Variants in PKD2 observed in about 807,000 individuals in gnomAD.
PKD2 encodes the protein polycystin 2, transient receptor potential cation channel, also known as polycystin-2.
A neutral mutation model predicts 105.9 loss-of-function variants in PKD2; 48 were observed. The ratio of observed to expected loss-of-function variants is 0.45; its 90% CI spans 0.36 to 0.58. The LOEUF is 0.58. PKD2 is among the 20% of genes least tolerant of loss of function. PKD2 has a pLI of 0.00. For synonymous variants in PKD2, 464 were observed against 481.1 expected, an observed-to-expected ratio of 0.96 and a Z score of 0.46; for missense variants, 1,078 against 1,255.3, an observed-to-expected ratio of 0.86 and a Z score of 2.13.
At position 88,067,939 on chromosome 4, in the gene PKD2, G is replaced by A. The variant is rs758862429; in HGVS notation, c.2400G>A (p.Met800Ile). ...ATCACAGTTCTTTACCACGTCCCAT[G>A]AGCAGCCGAAGTTTCCCTCGAAGCC... is the stretch of plus-strand genomic sequence containing the variant. ...DLDHSSLPRP[M>I]SSRSFPRSLD... Residue 800 changes from methionine to isoleucine, a missense_variant, in exon 13 of 15, where the codon ATG becomes ATA. Met to Ile is a conservative substitution (Grantham distance 10). Coordinates refer to ENST00000237596, the MANE Select transcript of PKD2 (RefSeq NM_000297.4). The A allele has an allele frequency of 6.2e-7, 1 of 1,614,052 alleles. No homozygotes were observed. Among genetic ancestry groups the A allele is most frequent in the Non-Finnish European group, 8.5e-7 (1 of 1,179,976 alleles).
chr4:88,037,609 A>G (rs954008096), intron 3 of PKD2, among the ~76,000 whole-genome samples: 9 of 152,232 alleles, frequency 5.9e-5, no homozygotes. Flanking sequence ...ATCTTTCACC[A>G]TCTGAGTAGG....
chr4:88,065,228 A>G (rs996216536), intron 10 of PKD2, 146 bp from the exon 11 acceptor site: 3 of 749,902 alleles, frequency 4.0e-6, no homozygotes, highest in African/African-American at 3.5e-5. Flanking sequence ...AACTGGATAC[A>G]TTAATTCTTC....
At chr4:88,019,410 T>C in intron 1 of PKD2, 48 bp from the exon 2 acceptor site, 1 of 976,898 alleles carries the variant, frequency 1.0e-6, no homozygotes, top group Non-Finnish European at 1.6e-6. Context: ...TTCATGAGAT[T>C]TCTTAAATAA....
chr4:88,070,629 A>AAG (rs1254772673), intron 13 of PKD2, among the ~76,000 whole-genome samples: 10 of 87,560 alleles, frequency 1.1e-4, no homozygotes, highest in African/African-American at 2.8e-4. Flanking sequence ...GAGAGAGAGA[A>AAG]AGAGAGAGAG....
At chr4:88,057,002 G>T (rs536373445) in intron 8 of PKD2, among the ~76,000 whole-genome samples, 11 of 150,754 alleles carry the variant, frequency 7.3e-5, no homozygotes, top group Non-Finnish European at 1.5e-4. Flanking sequence ...GTTTTGTTTT[G>T]TTTTTGAGGC....
intron 4 of PKD2, among the ~76,000 whole-genome samples, chr4:88,040,615 C>A (rs1377433604): frequency 6.6e-6 from 1 of 152,146 alleles, no homozygotes; most frequent in Non-Finnish European, 1.5e-5. Flanking sequence ...TAGGTTCTTG[C>A]TTTTGACATC....
intron 7 of PKD2, among the ~76,000 whole-genome samples, chr4:88,054,867 G>A (rs1052568973): frequency 6.6e-6 from 1 of 151,124 alleles, no homozygotes; most frequent in Non-Finnish European, 1.5e-5. Flanking sequence ...TGTTAGCCAG[G>A]ATGGTCTCGA....
chr4:88,056,300 A>T (rs1374093573), intron 8 of PKD2, 33 bp downstream of exon 8: 1 of 1,379,056 alleles, frequency 7.3e-7, no homozygotes, highest in East Asian at 2.4e-5. Context: ...AGAAAAATTT[A>T]ATCAGAGTTG....
chr4:88,030,637 C>A (rs968915288), intron 2 of PKD2, among the ~76,000 whole-genome samples: 1 of 152,202 alleles, frequency 6.6e-6, no homozygotes, highest in Non-Finnish European at 1.5e-5. Flanking sequence ...AACTCAAGGA[C>A]CAGATCCAGG....
chr4:88,013,678 G>A (rs1273900273), intron 1 of PKD2, among the ~76,000 whole-genome samples: 1 of 151,430 alleles, frequency 6.6e-6, no homozygotes, highest in Non-Finnish European at 1.5e-5. Flanking sequence ...CTCCAGCCTG[G>A]GTGACACAGT....
At position 88,038,240 on chromosome 4, in the gene PKD2, T is replaced by C. The variant is rs775160423; in HGVS notation, c.844-11T>C. The stretch of plus-strand genomic sequence containing the variant: ...TTGGAACTTTTTCAGAGATGTTTCC[T>C]TTGCTTTTAGTTCACAGAAGGCTCC... On this transcript the variant is annotated splice_polypyrimidine_tract_variant and intron_variant, in intron 3 of 14. Coordinates refer to ENST00000237596, the MANE Select transcript of PKD2 (RefSeq NM_000297.4). The C allele has an allele frequency of 1.2e-6, 2 of 1,613,976 alleles. No individual in the cohort carries two copies. Among genetic ancestry groups the C allele is most frequent in the Admixed American group, 3.3e-5 (2 of 60,022 alleles).
Position 88,008,213 on chromosome 4 carries a change from G to C in PKD2, c.480G>C (p.Gln160His). 7.2e-7 allele frequency: 1 copy of C among 1,398,228 alleles called. No homozygotes were observed. Among genetic ancestry groups the C allele is most frequent in the Non-Finnish European group, 9.2e-7 (1 of 1,081,756 alleles). The allele number at this position is 1,398,228 out of a possible 1,614,324, so 86.6% of individuals were successfully genotyped here. Residue 160 changes from glutamine to histidine, a missense_variant, in exon 1 of 15, where the codon CAG becomes CAC. Gln to His is a conservative substitution (Grantham distance 24). Transcript: ENST00000237596. Reference sequence around the variant, plus strand: ...GGAGGCGGCGCCGGCGAGAGGACCAGGGCCCGCCGTGCCCCAGCCCAGTCG... The same window carrying C: ...GGAGGCGGCGCCGGCGAGAGGACCACGGCCCGCCGTGCCCCAGCCCAGTCG... ...PSGRRRRRED[Q>H]GPPCPSPVGG...
intron 2 of PKD2, among the ~76,000 whole-genome samples, chr4:88,024,497 A>G (rs1179062928): frequency 1.3e-5 from 2 of 149,294 alleles, no homozygotes; most frequent in African/African-American, 4.9e-5. Context: ...GAAAGAAGGA[A>G]GGAAGGAAAG....
chr4:88,068,976 A>G (rs1257701952), intron 13 of PKD2, among the ~76,000 whole-genome samples: 2 of 152,000 alleles, frequency 1.3e-5, no homozygotes, highest in East Asian at 1.9e-4. Flanking sequence ...TATTGACCCT[A>G]TTTTCTCTCT....
At chr4:88,067,356 C>A (rs1238268100) in intron 12 of PKD2, among the ~76,000 whole-genome samples, 1 of 152,110 alleles carries the variant, frequency 6.6e-6, no homozygotes, top group African/African-American at 2.4e-5. Flanking sequence ...TTCTTCATTT[C>A]TTTATTTATT....
At chr4:88,033,813 TAATC>T (rs1165915093) in intron 2 of PKD2, among the ~76,000 whole-genome samples, 1 of 152,170 alleles carries the variant, frequency 6.6e-6, no homozygotes, top group East Asian at 1.9e-4. Flanking sequence ...TAACTGAAAA[TAATC>T]AACTTAATCA....
intron 2 of PKD2, among the ~76,000 whole-genome samples, chr4:88,027,926 C>A (rs1020179875): frequency 2.0e-5 from 3 of 152,178 alleles, no homozygotes; most frequent in Non-Finnish European, 4.4e-5. Flanking sequence ...CTGAGGTCTC[C>A]CCAGCCATTC....
In PKD2 at chr4:88,065,271, T is replaced by C. The variant is rs553718658; in HGVS notation, c.2119-103T>C. On this transcript the variant is annotated intron_variant, in intron 10 of 14. Transcript: ENST00000237596. Reference sequence around the variant, plus strand: ...CAGCACGTACTTGTTGAATGGCCAATGTACACCAGGTTTGTAGTAGTTACT... The same window carrying C: ...CAGCACGTACTTGTTGAATGGCCAACGTACACCAGGTTTGTAGTAGTTACT... 7 of 998,648 alleles carry C rather than the reference T, an allele frequency of 7.0e-6. No homozygotes were observed. The South Asian group carries it at 7.7e-5, about 11-fold the overall frequency. The allele number at this position is 998,648 out of a possible 1,614,324, so 61.9% of individuals were successfully genotyped here. A position where few individuals can be genotyped will look rare whatever the true frequency, so the allele number is the denominator to read the frequency against.
intron 6 of PKD2, among the ~76,000 whole-genome samples, chr4:88,047,946 A>G (rs539963945): frequency 6.6e-6 from 1 of 152,130 alleles, no homozygotes; most frequent in Non-Finnish European, 1.5e-5. Flanking sequence ...TTTTTTCAAG[A>G]TGTTTTCCCT....
Sources: allele counts gnomAD v4.1 joint callset (sites outside exome capture counted in the v4.1 genomes callset), GRCh38; gene constraint gnomAD v4.1.1; transcripts MANE v1.5; gene names NCBI Gene and HGNC (gene_info 2026-07-23, HGNC 2026-07-21).